SP140: variants seen among roughly 807,000 people sequenced by gnomAD.
The protein encoded by SP140 is SP140 nuclear body protein.
A neutral mutation model predicts 125.0 loss-of-function variants in SP140; 81 were observed. The ratio of observed to expected loss-of-function variants is 0.65; its 90% CI spans 0.54 to 0.78. The LOEUF is 0.78. SP140 is among the 30% of genes least tolerant of loss of function. SP140 has a pLI of 0.00. For missense variants in SP140, 858 were observed against 1,037.0 expected (o/e 0.83, Z 2.37); for synonymous variants, 312 against 354.0 (o/e 0.88, Z 1.33).
chr2:230,205,469 C>T (rs2043666182), intron 1 of SP140, among the ~76,000 whole-genome samples: 1 of 152,156 alleles, frequency 6.6e-6, no homozygotes, highest in African/African-American at 2.4e-5. Context: ...TTCTTTCATC[C>T]TGTCATCAGT....
the SP140 span, among the ~76,000 whole-genome samples, chr2:230,195,873 G>A: frequency 9.2e-5 from 14 of 152,064 alleles, no homozygotes; most frequent in African/African-American, 3.4e-4. Context: ...ATAGCATATA[G>A]AAGGTTAATA....
At chr2:230,247,096 G>A (rs894561921) in intron 7 of SP140, among the ~76,000 whole-genome samples, 3 of 152,038 alleles carry the variant, frequency 2.0e-5, no homozygotes, top group Non-Finnish European at 2.9e-5. Context: ...AGAGGCAGTC[G>A]ACCTCCCCCT....
At chr2:230,218,927 T>C (rs1046980703) in intron 3 of SP140, among the ~76,000 whole-genome samples, 1 of 152,104 alleles carries the variant, frequency 6.6e-6, no homozygotes, top group African/African-American at 2.4e-5. Context: ...AACTAGCTAG[T>C]AGAAAGCATA....
At chr2:230,226,842 C>A (rs1348563456) in intron 1 of SP140, among the ~76,000 whole-genome samples, 1 of 150,196 alleles carries the variant, frequency 6.7e-6, no homozygotes, top group East Asian at 1.9e-4. Flanking sequence ...ATGGATCTAA[C>A]CAACCATGAA....
At chr2:230,282,542 A>C (rs2055736957) in intron 15 of SP140, among the ~76,000 whole-genome samples, 1 of 152,134 alleles carries the variant, frequency 6.6e-6, no homozygotes, top group Non-Finnish European at 1.5e-5. Context: ...CACTCATGTT[A>C]TCCCAGTACT....
chr2:230,235,868 G>GTTTTTTT (rs984054259), intron 1 of SP140, among the ~76,000 whole-genome samples: 20 of 77,982 alleles, frequency 2.6e-4, no homozygotes, highest in Non-Finnish European at 2.7e-4. Flanking sequence ...TCTTGTGACT[G>GTTTTTTT]TTTTTTTTTT....
At chr2:230,279,021 A>C (rs2055136217) in intron 15 of SP140, among the ~76,000 whole-genome samples, 1 of 152,130 alleles carries the variant, frequency 6.6e-6, no homozygotes, top group African/African-American at 2.4e-5. Flanking sequence ...TTGTGTTTCT[A>C]TGCACTAACA....
rs934219711 is a variant in SP140 at position 230,305,438 on chromosome 2, A to G, written c.2059-4486A>G. On this transcript the variant is annotated intron_variant, in intron 22 of 26. Transcript: ENST00000392045. Reference sequence around the variant, plus strand: ...CAGGCAGTCTGAAGTGGCTGCTGCCATGAAGCTGGCTGCAGTGAGGTGCAG... The same window carrying G: ...CAGGCAGTCTGAAGTGGCTGCTGCCGTGAAGCTGGCTGCAGTGAGGTGCAG... Among the ~76,000 whole-genome samples the G allele has an allele frequency of 2.6e-5, 4 of 152,376 alleles. No homozygotes were observed. The South Asian group carries it at 6.2e-4, about 24-fold the overall frequency.
At chr2:230,221,287 A>C (rs545413180), upstream of SP140, among the ~76,000 whole-genome samples, 4 of 152,150 alleles carry the variant, frequency 2.6e-5, no homozygotes, top group African/African-American at 9.6e-5. Flanking sequence ...TCTCGAAAAA[A>C]AAAAAAAAAA....
intron 3 of SP140, chr2:230,239,063 C>T: frequency 4.3e-6 from 6 of 1,387,142 alleles, no homozygotes; most frequent in Non-Finnish European, 5.6e-6. Flanking sequence ...GAATAAAGGG[C>T]ATTTAAACGG....
intron 12 of SP140, among the ~76,000 whole-genome samples, chr2:230,257,188 A>G (rs1002928209): frequency 4.6e-5 from 7 of 152,230 alleles, no homozygotes; most frequent in Middle Eastern, 3.4e-3. Flanking sequence ...TTCAATGGAA[A>G]GAGACTTTTA....
At chr2:230,191,126 G>T in the SP140 span, among the ~76,000 whole-genome samples, 1 of 152,112 alleles carries the variant, frequency 6.6e-6, no homozygotes, top group African/African-American at 2.4e-5. Flanking sequence ...GAATCTCTGG[G>T]ACACAGCTAA....
chr2:230,245,847 C>T lies in SP140; in HGVS notation c.665-16C>T. ...TCACTGCCAATTGTCTGTCATGTTC[C>T]TCTTTCACTCTGCAGTGTCCTGTAA... On this transcript the variant is annotated splice_polypyrimidine_tract_variant and intron_variant, in intron 6 of 26. Coordinates refer to ENST00000392045, the MANE Select transcript of SP140 (RefSeq NM_007237.5). 6.4e-7 allele frequency: 1 copy of T among 1,563,820 alleles called. No homozygotes were observed.
At chr2:230,314,251 AC>A (rs2059465499), downstream of SP140, among the ~76,000 whole-genome samples, 1 of 151,796 alleles carries the variant, frequency 6.6e-6, no homozygotes, top group South Asian at 2.1e-4. Context: ...ATGAGCTACC[AC>A]CCCCACCCAA....
Position 230,229,456 on chromosome 2 carries a change from C to CTT in SP140, c.59+3581_59+3582dup, listed in dbSNP as rs1163771237. 3.4e-3 allele frequency among the ~76,000 whole-genome samples: 197 copies of CTT among 57,606 alleles called. 55 individuals are homozygous for CTT. The highest frequency in any genetic ancestry group is 0.018 in the Admixed American group (91 of 4,928). 37.8% of individuals were successfully genotyped at this position (57,606 alleles called of 152,430 possible). A position where few individuals can be genotyped will look rare whatever the true frequency, so the allele number is the denominator to read the frequency against. On this transcript the variant is annotated intron_variant, in intron 1 of 26. Transcript: ENST00000392045. Reference sequence around the variant, plus strand: ...ATTTTTCCCTTTGCATGAAGAAATTCTTTTTTTTTTTTTTTTTTTTTTTTT... The same window carrying CTT: ...ATTTTTCCCTTTGCATGAAGAAATTCTTTTTTTTTTTTTTTTTTTTTTTTTTT...
At chr2:230,269,735 A>G (rs2053639673) in intron 13 of SP140, 102 bp from the exon 14 acceptor site, 1 of 1,103,458 alleles carries the variant, frequency 9.1e-7, no homozygotes, top group Non-Finnish European at 1.3e-6. Flanking sequence ...TGAAAGGAGA[A>G]GATTTCAGAG....
At chr2:230,218,499 ATCAGTGCAAAG>A (rs1217717838) in intron 3 of SP140, among the ~76,000 whole-genome samples, 1 of 152,208 alleles carries the variant, frequency 6.6e-6, no homozygotes, top group Non-Finnish European at 1.5e-5. Context: ...TAGTGCAAAG[ATCAGTGCAAAG>A]TCAGAGAAAG....
intron 1 of SP140, among the ~76,000 whole-genome samples, chr2:230,228,113 T>C (rs149785888): frequency 6.6e-6 from 1 of 152,308 alleles, no homozygotes; most frequent in Non-Finnish European, 1.5e-5. Flanking sequence ...GTTTTCCTTT[T>C]CATTTACTTC....
intron 26 of SP140, among the ~76,000 whole-genome samples, chr2:230,312,367 A>C (rs1032466525): frequency 6.6e-6 from 1 of 152,224 alleles, no homozygotes; most frequent in African/African-American, 2.4e-5. Context: ...AATGATAACT[A>C]TTTGAGGTGA....
Sources: gnomAD v4.1 joint callset for allele counts (sites outside exome capture counted in the v4.1 genomes callset) on GRCh38, gnomAD v4.1.1 for gene constraint, MANE v1.5 for transcripts, NCBI Gene and HGNC (gene_info 2026-07-23, HGNC 2026-07-21) for gene names.